Variants in SPDYE12 observed in about 807,000 individuals in gnomAD.
SPDYE12 encodes speedy protein E12.
chr7:74,909,053 C>CTTTTTTTTTTTTTTTT, the SPDYE12 span, among the ~76,000 whole-genome samples: 1 of 46,272 alleles, frequency 2.2e-5, no homozygotes, highest in Non-Finnish European at 4.5e-5. Context: ...TTTTTTTTGG[C>CTTTTTTTTTTTTTTTT]TTTTTTTTTT....
At chr7:74,909,755 G>C in the SPDYE12 span, 4 of 724,552 alleles carry the variant, frequency 5.5e-6, 1 homozygote, top group Admixed American at 5.1e-5. Context: ...TGGAAATTGC[G>C]GGGTGGAGGG....
chr7:74,909,268 G>A, the SPDYE12 span, among the ~76,000 whole-genome samples: 1 of 150,708 alleles, frequency 6.6e-6, no homozygotes, highest in East Asian at 2.0e-4. Flanking sequence ...TGGCCAGGCT[G>A]GTCTCAAACT....
the SPDYE12 span, among the ~76,000 whole-genome samples, chr7:74,904,870 T>C: frequency 6.7e-6 from 1 of 149,352 alleles, no homozygotes; most frequent in East Asian, 1.9e-4. Flanking sequence ...CCCATGTTTT[T>C]CAAAATAAAC....
chr7:74,904,639 G>T, the SPDYE12 span, among the ~76,000 whole-genome samples: 2 of 151,192 alleles, frequency 1.3e-5, no homozygotes, highest in Non-Finnish European at 3.0e-5. Flanking sequence ...AAAGATTTAG[G>T]ATGAAAAGAA....
At chr7:74,909,696 G>T in the SPDYE12 span, 3 of 1,569,284 alleles carry the variant, frequency 1.9e-6, no homozygotes, top group East Asian at 4.5e-5. Context: ...TCTGGGGAGG[G>T]GCTGCCCATC....
At chr7:74,911,094 C>T in the SPDYE12 span, among the ~76,000 whole-genome samples, 3 of 113,486 alleles carry the variant, frequency 2.6e-5, no homozygotes, top group African/African-American at 6.9e-5. Context: ...GAGAAGAGGC[C>T]GAAGGAGGCC....
chr7:74,906,134 C>G, the SPDYE12 span, among the ~76,000 whole-genome samples: 1 of 107,310 alleles, frequency 9.3e-6, no homozygotes, highest in African/African-American at 4.0e-5. Context: ...CGTGCTAGAT[C>G]TGTTTCTAAT....
At chr7:74,914,933 A>C in the SPDYE12 span, among the ~76,000 whole-genome samples, 25 of 94,020 alleles carry the variant, frequency 2.7e-4, no homozygotes, top group Non-Finnish European at 4.9e-4. Context: ...CAAAAAAAAA[A>C]AACAAAAAAA....
At chr7:74,908,434 C>T in the SPDYE12 span, among the ~76,000 whole-genome samples, 1 of 70,718 alleles carries the variant, frequency 1.4e-5, no homozygotes, top group African/African-American at 5.9e-5. Context: ...TCCAGGAAAC[C>T]CCAGCAGGGA....
chr7:74,907,915 G>C, the SPDYE12 span, among the ~76,000 whole-genome samples: 1 of 146,684 alleles, frequency 6.8e-6, no homozygotes, highest in Non-Finnish European at 1.5e-5. Flanking sequence ...GGGCAAGTCT[G>C]TCTCAAAAAA....
At chr7:74,909,590 G>T in the SPDYE12 span, 1 of 1,527,366 alleles carries the variant, frequency 6.5e-7, no homozygotes, top group African/African-American at 1.4e-5. Flanking sequence ...AATACGCTAT[G>T]ACCATAGCCA....
chr7:74,908,661 C>CTTTTTTTTTTT, the SPDYE12 span, among the ~76,000 whole-genome samples: 30 of 58,600 alleles, frequency 5.1e-4, no homozygotes, highest in Non-Finnish European at 6.9e-4. Context: ...GTTTTTTGTT[C>CTTTTTTTTTTT]TTTTTTTTTT....
chr7:74,912,767 C>CT, the SPDYE12 span, among the ~76,000 whole-genome samples: 4 of 11,742 alleles, frequency 3.4e-4, no homozygotes, highest in Admixed American at 2.0e-3. Flanking sequence ...TCTTTTTTTT[C>CT]TTCTTTTTTT....
chr7:74,904,524 C>T, the SPDYE12 span, among the ~76,000 whole-genome samples: 1 of 151,332 alleles, frequency 6.6e-6, no homozygotes, highest in East Asian at 1.9e-4. Context: ...AGGGGAACTA[C>T]CACATAGCTA....
the SPDYE12 span, among the ~76,000 whole-genome samples, chr7:74,909,053 C>CTTTTTTTTTTTTTTT: frequency 2.2e-5 from 1 of 46,272 alleles, no homozygotes; most frequent in Non-Finnish European, 4.5e-5. Context: ...TTTTTTTTGG[C>CTTTTTTTTTTTTTTT]TTTTTTTTTT....
the SPDYE12 span, among the ~76,000 whole-genome samples, chr7:74,909,085 A>C: frequency 9.4e-6 from 1 of 105,954 alleles, no homozygotes. Flanking sequence ...AAAAAGTCTC[A>C]CTCTGTTGCC....
At chr7:74,908,651 GTTTTTTGTTCTTT>G in the SPDYE12 span, among the ~76,000 whole-genome samples, 1 of 105,744 alleles carries the variant, frequency 9.5e-6, no homozygotes, top group African/African-American at 3.5e-5. Flanking sequence ...GGTTCCTTTT[GTTTTTTGTTCTTT>G]TTTTTTTTTT....
At chr7:74,907,732 G>GATAGATAAATAAATAA in the SPDYE12 span, among the ~76,000 whole-genome samples, 1 of 131,640 alleles carries the variant, frequency 7.6e-6, no homozygotes, top group African/African-American at 3.1e-5. Flanking sequence ...CTCTTGTCTT[G>GATAGATAAATAAATAA]ATAAATAAAT....
chr7:74,909,645 C>T, the SPDYE12 span: 8 of 1,512,416 alleles, frequency 5.3e-6, no homozygotes, highest in South Asian at 1.1e-5. Context: ...GGAGAGGTCA[C>T]ATCTTGGGAG....
Sources: gnomAD v4.1 joint callset for allele counts (sites outside exome capture counted in the v4.1 genomes callset) on GRCh38, gnomAD v4.1.1 for gene constraint, MANE v1.5 for transcripts, NCBI Gene and HGNC (gene_info 2026-07-23, HGNC 2026-07-21) for gene names.